The following TSHR variants were observed in gnomAD, a reference collection of about 807,000 sequenced individuals.
TSHR encodes thyroid stimulating hormone receptor.
In TSHR, 51 loss-of-function variants were observed where a neutral mutation model predicts 64.1. That is an observed-to-expected ratio of 0.80 (90% CI 0.64 to 1.01). The LOEUF (loss-of-function observed/expected upper bound fraction) is 1.01, where lower values mean the gene tolerates loss of function less well. Among genes scored for constraint, TSHR ranks in the 50% least tolerant of loss-of-function variants. The pLI is 0.00. For missense variants in TSHR, 877 were observed against 942.8 expected, an observed-to-expected ratio of 0.93 and a Z score of 0.91; for synonymous variants, 361 against 361.9, an observed-to-expected ratio of 1.00 and a Z score of 0.03.
At chr14:81,097,482 A>G (rs1183334680) in intron 7 of TSHR, among the ~76,000 whole-genome samples, 1 of 152,134 alleles carries the variant, frequency 6.6e-6, no homozygotes, top group African/African-American at 2.4e-5. Flanking sequence ...TCTTATCAAA[A>G]TACACAGTCT....
intron 3 of TSHR, among the ~76,000 whole-genome samples, chr14:81,068,890 T>A (rs980295028): frequency 6.6e-6 from 1 of 152,190 alleles, no homozygotes; most frequent in African/African-American, 2.4e-5. Context: ...ATGTTTATCA[T>A]AAATATGGAA....
chr14:81,106,624 A>C (rs1241344151), intron 7 of TSHR, among the ~76,000 whole-genome samples: 2 of 152,174 alleles, frequency 1.3e-5, no homozygotes, highest in Admixed American at 1.3e-4. Context: ...TGGCTACTTT[A>C]GATTAGCTAG....
chr14:81,062,058 G>C, intron 1 of TSHR, 90 bp from the exon 2 acceptor site: 3 of 1,161,496 alleles, frequency 2.6e-6, no homozygotes, highest in Non-Finnish European at 3.8e-6. Flanking sequence ...AAACTGTCAT[G>C]CTTTTTAATT....
rs529066917 is a variant in TSHR at position 81,109,615 on chromosome 14, C to T, written c.692+1163C>T. ...CTCAGGTGTCAGGTAGGGGTGGATGCCTCCTAGAGAAGGGTGAGTGATCCA... is the reference window on the plus strand; with the variant it reads ...CTCAGGTGTCAGGTAGGGGTGGATGTCTCCTAGAGAAGGGTGAGTGATCCA... On this transcript the variant is annotated intron_variant, in intron 8 of 9. Transcript: ENST00000298171. Among the ~76,000 whole-genome samples the T allele has an allele frequency of 2.6e-5, 4 of 152,190 alleles. No homozygotes were observed. The South Asian group carries it at 8.3e-4, about 32-fold the overall frequency.
At chr14:81,023,078 A>T (rs565751278) in intron 1 of TSHR, among the ~76,000 whole-genome samples, 75 of 152,288 alleles carry the variant, frequency 4.9e-4, no homozygotes, top group African/African-American at 1.7e-3. Flanking sequence ...AAGGTGAGAA[A>T]TAAATTTCTA....
chr14:80,976,066 C>T (rs2268456), intron 1 of TSHR, among the ~76,000 whole-genome samples: 24,922 of 151,914 alleles, frequency 0.16, 2,319 homozygotes, highest in East Asian at 0.44. Context: ...CACCCGCAAC[C>T]ACGCCCGGCT....
chr14:81,113,228 A>G (rs1292528557), intron 8 of TSHR, among the ~76,000 whole-genome samples: 2 of 152,252 alleles, frequency 1.3e-5, no homozygotes, highest in African/African-American at 2.4e-5. Context: ...GATCCTGACT[A>G]TATTTTTTAA....
rs541425563 is a variant in TSHR at position 81,009,741 on chromosome 14, G to T, written c.171-52407G>T. The stretch of plus-strand genomic sequence containing the variant: ...TATATTTTTGGCTATCTAGTATTTT[G>T]TCATGTAAATAAATCACAATTTGTT... On this transcript the variant is annotated intron_variant, in intron 1 of 9. Transcript: ENST00000298171. 1.1e-4 allele frequency among the ~76,000 whole-genome samples: 17 copies of T among 151,922 alleles called. No individual in the cohort carries two copies. The South Asian group carries it at 3.5e-3, about 32-fold the overall frequency.
At chr14:80,998,955 G>T (rs1198431447) in intron 1 of TSHR, among the ~76,000 whole-genome samples, 1 of 152,174 alleles carries the variant, frequency 6.6e-6, no homozygotes, top group Non-Finnish European at 1.5e-5. Flanking sequence ...GTTCCATCAA[G>T]AACACTTAAA....
At chr14:81,128,767 G>A (rs180879794) in intron 8 of TSHR, among the ~76,000 whole-genome samples, 21 of 152,048 alleles carry the variant, frequency 1.4e-4, no homozygotes, top group East Asian at 5.8e-4. Context: ...TGTCTCCTTC[G>A]TCTGATACAA....
At chr14:80,998,761 A>G (rs752132865) in intron 1 of TSHR, among the ~76,000 whole-genome samples, 2 of 152,104 alleles carry the variant, frequency 1.3e-5, no homozygotes, top group Non-Finnish European at 2.9e-5. Context: ...ATCAAAGGAC[A>G]TATTTTATAA....
chr14:80,986,561 A>C (rs2139732210), intron 1 of TSHR, among the ~76,000 whole-genome samples: 1 of 152,082 alleles, frequency 6.6e-6, no homozygotes, highest in East Asian at 1.9e-4. Flanking sequence ...GTCTCGGCTC[A>C]CTGTAACCTC....
chr14:81,138,302 C>T (rs534206107), intron 8 of TSHR, among the ~76,000 whole-genome samples: 5 of 151,560 alleles, frequency 3.3e-5, no homozygotes, highest in African/African-American at 4.8e-5. Context: ...GTGATTCTCC[C>T]GCCTCAGCCT....
At chr14:81,089,414 T>C (rs1888552155) in intron 4 of TSHR, among the ~76,000 whole-genome samples, 1 of 152,206 alleles carries the variant, frequency 6.6e-6, no homozygotes, top group African/African-American at 2.4e-5. Flanking sequence ...TCACTCTTCT[T>C]ATGGACTCTG....
chr14:81,035,089 G>A (rs1884555062), intron 1 of TSHR, among the ~76,000 whole-genome samples: 1 of 152,122 alleles, frequency 6.6e-6, no homozygotes, highest in South Asian at 2.1e-4. Context: ...GTGAATGAAA[G>A]GTTGGAATCT....
intron 3 of TSHR, among the ~76,000 whole-genome samples, chr14:81,084,933 A>G (rs566048076): frequency 6.6e-6 from 1 of 151,986 alleles, no homozygotes; most frequent in East Asian, 1.9e-4. Context: ...TACTAGTTGC[A>G]TTTGCTTCTT....
intron 2 of TSHR, among the ~76,000 whole-genome samples, chr14:81,067,713 TA>T (rs1391400877): frequency 6.7e-6 from 1 of 148,736 alleles, no homozygotes; most frequent in Non-Finnish European, 1.5e-5. Flanking sequence ...CTGTGTATTT[TA>T]AAGGAAATAG....
intron 1 of TSHR, among the ~76,000 whole-genome samples, chr14:80,989,738 A>C (rs1888632914): frequency 6.6e-6 from 1 of 152,050 alleles, no homozygotes; most frequent in Admixed American, 6.6e-5. Flanking sequence ...AAATCATCGG[A>C]TTTTAGTTGT....
chr14:80,988,071 C>T lies in TSHR; in HGVS notation c.170+32221C>T, dbSNP rs191158999. On this transcript the variant is annotated intron_variant, in intron 1 of 9. Coordinates refer to ENST00000298171, the MANE Select transcript of TSHR (RefSeq NM_000369.5). ...GTCTGAAGTAGAGGTCTCTTTTGACCTATTGTCATCATTAAAATCCCAACT... is the reference window on the plus strand; with the variant it reads ...GTCTGAAGTAGAGGTCTCTTTTGACTTATTGTCATCATTAAAATCCCAACT... Among the ~76,000 whole-genome samples, 1,133 of 152,234 alleles carry T rather than the reference C, an allele frequency of 7.4e-3. 11 individuals are homozygous for T. Among genetic ancestry groups the T allele is most frequent in the Non-Finnish European group, 9.7e-3 (662 of 68,020 alleles).
Sources: gnomAD v4.1 joint callset for allele counts (sites outside exome capture counted in the v4.1 genomes callset) on GRCh38, gnomAD v4.1.1 for gene constraint, MANE v1.5 for transcripts, NCBI Gene and HGNC (gene_info 2026-07-23, HGNC 2026-07-21) for gene names.